Variants in ETV1 observed in about 807,000 individuals in gnomAD.
ETV1 encodes the protein ETS translocation variant 1.
Under a neutral mutation model 62.3 loss-of-function variants are expected in ETV1, and 27 were observed. That is an observed-to-expected ratio of 0.43 (90% confidence interval 0.32 to 0.60). The LOEUF is 0.60. Among genes scored for constraint, ETV1 ranks in the 20% least tolerant of loss-of-function variants. The pLI is 0.06. For synonymous variants in ETV1, 222 were observed against 199.6 expected, an observed-to-expected ratio of 1.11 and a Z score of -0.94; for missense variants, 605 against 605.8, an observed-to-expected ratio of 1.00 and a Z score of 0.01.
At chr7:13,991,130 A>G (rs1242237104), upstream of ETV1, 1 of 152,204 alleles carries the variant, frequency 6.6e-6, no homozygotes, top group Non-Finnish European at 1.5e-5. Context: ...ACCTATAAGC[A>G]TTTTGAGCGG....
chr7:13,948,156 A>G (rs933004374), intron 6 of ETV1, among the ~76,000 whole-genome samples: 12 of 152,220 alleles, frequency 7.9e-5, no homozygotes, highest in Admixed American at 5.9e-4. Flanking sequence ...GAATGTTGCT[A>G]TTCAACAGTT....
At chr7:13,986,001 A>G (rs1228278794) in intron 5 of ETV1, 1 of 826,258 alleles carries the variant, frequency 1.2e-6, no homozygotes, top group African/African-American at 1.8e-5. Flanking sequence ...ACAAAATAGC[A>G]AAGGTCAATT....
chr7:13,923,948 T>G (rs1006793184), intron 9 of ETV1, among the ~76,000 whole-genome samples: 1 of 151,952 alleles, frequency 6.6e-6, no homozygotes, highest in Non-Finnish European at 1.5e-5. Context: ...GGCAGGAGAA[T>G]CATTTGAATC....
At position 13,911,226 on chromosome 7, in the gene ETV1, G is replaced by A; in HGVS notation, c.871+13C>T. On this transcript the variant is annotated intron_variant, in intron 10 of 13. Transcript: ENST00000430479. Reference sequence around the variant, plus strand: ...ACGGTATTTACACGGAATTTCAGTGGTGGACAACTTAACTTCTGTTCTGCT... The same window carrying A: ...ACGGTATTTACACGGAATTTCAGTGATGGACAACTTAACTTCTGTTCTGCT... 6.3e-7 allele frequency: 1 copy of A among 1,599,670 alleles called. No homozygotes were observed.
chr7:13,924,241 A>G (rs1785166707), intron 9 of ETV1, among the ~76,000 whole-genome samples: 1 of 152,156 alleles, frequency 6.6e-6, no homozygotes, highest in Admixed American at 6.5e-5. Context: ...GCATTAAGAA[A>G]GAAAGAGCGA....
chr7:13,905,408 T>C (rs1782856332), intron 12 of ETV1, among the ~76,000 whole-genome samples: 2 of 152,198 alleles, frequency 1.3e-5, no homozygotes, highest in Non-Finnish European at 2.9e-5. Flanking sequence ...TAGCTAAAAA[T>C]CTTCCATTGC....
intron 6 of ETV1, among the ~76,000 whole-genome samples, chr7:13,977,045 C>T (rs11773782): frequency 0.064 from 9,773 of 152,174 alleles, 505 homozygotes; most frequent in East Asian, 0.16. Flanking sequence ...TTTAACTCTA[C>T]CTCCCATCAG....
At chr7:13,955,860 T>C (rs1789376140) in intron 6 of ETV1, among the ~76,000 whole-genome samples, 1 of 152,190 alleles carries the variant, frequency 6.6e-6, no homozygotes, top group Non-Finnish European at 1.5e-5. Context: ...AACACATCTC[T>C]AATTTTTCAT....
At chr7:13,955,036 A>C (rs1789254621) in intron 6 of ETV1, among the ~76,000 whole-genome samples, 2 of 152,098 alleles carry the variant, frequency 1.3e-5, no homozygotes, top group Admixed American at 6.6e-5. Context: ...CTTAAAACGA[A>C]ATTTTCTGTC....
chr7:13,970,263 A>AACACACACACACACACACACACAC (rs71033966), intron 6 of ETV1, among the ~76,000 whole-genome samples: 4 of 126,668 alleles, frequency 3.2e-5, no homozygotes, highest in African/African-American at 1.3e-4. Flanking sequence ...CCCATCTCAA[A>AACACACACACACACACACACACAC]ACACACACAC....
At chr7:13,896,119 C>T in intron 13 of ETV1, 32 bp from the exon 14 acceptor site, 1 of 1,564,000 alleles carries the variant, frequency 6.4e-7, no homozygotes, top group Non-Finnish European at 8.8e-7. Context: ...AAAACCCATC[C>T]TCACCATCGC....
chr7:13,915,782 A>G (rs1784089880), intron 9 of ETV1, among the ~76,000 whole-genome samples: 1 of 151,992 alleles, frequency 6.6e-6, no homozygotes, highest in South Asian at 2.1e-4. Context: ...CTTTTACCAT[A>G]TGACCACTCT....
rs910967489 is a variant in ETV1 at position 13,939,103 on chromosome 7, C to T, written c.365+14G>A. 6.2e-7 allele frequency: 1 copy of T among 1,610,740 alleles called. No individual in the cohort carries two copies. The highest frequency in any genetic ancestry group is 2.2e-5 in the East Asian group (1 of 44,818). On this transcript the variant is annotated intron_variant, in intron 7 of 13. Transcript: ENST00000430479. ...AGAACCACTATCCTACATACATACA[C>T]CTGGTGGCTTTACCTGACATTGTAC...
At chr7:13,918,660 TG>T (rs1196563825) in intron 9 of ETV1, among the ~76,000 whole-genome samples, 1 of 143,266 alleles carries the variant, frequency 7.0e-6, no homozygotes, top group Non-Finnish European at 1.5e-5. Flanking sequence ...CACTCATAGG[TG>T]GGAACTGAAC....
chr7:13,979,215 G>A (rs552278441), intron 5 of ETV1, among the ~76,000 whole-genome samples: 1 of 152,050 alleles, frequency 6.6e-6, no homozygotes, highest in African/African-American at 2.4e-5. Context: ...TTTTTGGTGA[G>A]GATTAAATGA....
In ETV1 at chr7:13,894,691, C is replaced by A. The variant is rs2128397753; in HGVS notation, c.*1175G>T. 4.3e-6 allele frequency: 1 copy of A among 232,622 alleles called. No homozygotes were observed. Among genetic ancestry groups the A allele is most frequent in the Middle Eastern group, 1.3e-3 (1 of 780 alleles). 14.4% of individuals were successfully genotyped at this position (232,622 alleles called of 1,614,324 possible). ...GTCCTGAAATGCTATCTGTAGTTAA[C>A]TGCACTGCTTATAAATGGTCATAGT... is the stretch of plus-strand genomic sequence containing the variant. On this transcript the variant is annotated 3_prime_UTR_variant, in exon 14 of 14. Transcript: ENST00000430479.
At chr7:13,902,796 G>A (rs1019823725) in intron 12 of ETV1, among the ~76,000 whole-genome samples, 1 of 152,198 alleles carries the variant, frequency 6.6e-6, no homozygotes, top group African/African-American at 2.4e-5. Context: ...ATACAATGTT[G>A]TGGAGGTCTC....
At position 13,989,256 on chromosome 7, in the gene ETV1, C is replaced by T. The variant is rs1782844078; in HGVS notation, c.-88+12G>A. On this transcript the variant is annotated intron_variant, in intron 2 of 13. Coordinates refer to ENST00000430479, the MANE Select transcript of ETV1 (RefSeq NM_004956.5). ...TTCACAAAAATAACCCTCCCTACACCGCCTCCTTCACCTGGATCCAAAGAG... is the reference window on the plus strand; with the variant it reads ...TTCACAAAAATAACCCTCCCTACACTGCCTCCTTCACCTGGATCCAAAGAG... The T allele has an allele frequency of 3.6e-6, 2 of 559,082 alleles. No individual in the cohort carries two copies. The highest frequency in any genetic ancestry group is 4.8e-5 in the South Asian group (2 of 42,040). The allele number at this position is 559,082 out of a possible 1,614,324, so 34.6% of individuals were successfully genotyped here. A position where few individuals can be genotyped will look rare whatever the true frequency, so the allele number is the denominator to read the frequency against.
intron 6 of ETV1, among the ~76,000 whole-genome samples, chr7:13,955,939 A>C (rs564745728): frequency 6.6e-6 from 1 of 152,316 alleles, no homozygotes; most frequent in Non-Finnish European, 1.5e-5. Context: ...TAAGGAGTTT[A>C]AGAGATTACT....
Sources: gnomAD v4.1 joint callset for allele counts (sites outside exome capture counted in the v4.1 genomes callset) on GRCh38, gnomAD v4.1.1 for gene constraint, MANE v1.5 for transcripts, NCBI Gene and HGNC (gene_info 2026-07-23, HGNC 2026-07-21) for gene names.